Variants in ASS1 observed in about 807,000 individuals in gnomAD.
The protein encoded by ASS1 is argininosuccinate synthase 1, also known as argininosuccinate synthase.
ASS1 carries 58 observed loss-of-function variants against 60.5 expected under a neutral mutation model. The observed-to-expected ratio is 0.96, with a 90% CI of 0.78 to 1.19. The LOEUF is 1.19. ASS1 is among the 50% of genes most tolerant of loss of function. ASS1 has a pLI of 0.00. For missense variants in ASS1, 454 were observed against 547.3 expected (o/e 0.83, Z 1.70); for synonymous variants, 200 against 206.9 (o/e 0.97, Z 0.29).
At position 130,499,510 on chromosome 9, in the gene ASS1, A is replaced by G; in HGVS notation, c.1133A>G (p.Asn378Ser). Residue 378 changes from asparagine (N) to serine (S), a missense_variant, in exon 14 of 15, where the codon AAC becomes AGC. By Grantham distance (46) the Asn-to-Ser change is conservative. Transcript: ENST00000352480. ...SLYNEELVSM[N>S]VQGDYEPTDA... Reference sequence around the variant, plus strand: ...AGCTTCTACTCTCCTTGCAGCATGAACGTGCAGGGTGATTATGAGCCAACT... The same window carrying G: ...AGCTTCTACTCTCCTTGCAGCATGAGCGTGCAGGGTGATTATGAGCCAACT... 1.2e-6 allele frequency: 2 copies of G among 1,613,690 alleles called. No individual in the cohort carries two copies. Among genetic ancestry groups the G allele is most frequent in the Non-Finnish European group, 1.7e-6 (2 of 1,179,868 alleles).
chr9:130,493,964 A>G (rs1846519747), intron 12 of ASS1, among the ~76,000 whole-genome samples: 1 of 152,200 alleles, frequency 6.6e-6, no homozygotes, highest in South Asian at 2.1e-4. Context: ...AGTTTATCAT[A>G]GGAAGCAGAG....
rs1011546800 is a variant in ASS1, at chr9:130,501,132, G to A, written c.*111G>A. On this transcript the variant is annotated 3_prime_UTR_variant, in exon 15 of 15. Coordinates refer to ENST00000352480, the MANE Select transcript of ASS1 (RefSeq NM_054012.4). The stretch of plus-strand genomic sequence containing the variant: ...TGACTTGTTCTCCCCGGCTGGCAGC[G>A]TAGTGGGGCTGCCAGGCCCCAGCTT... The A allele has an allele frequency of 1.3e-5, 16 of 1,243,420 alleles. No individual in the cohort carries two copies. The highest frequency in any genetic ancestry group is 1.9e-5 in the Non-Finnish European group (16 of 861,154). 77.0% of individuals were successfully genotyped at this position (1,243,420 alleles called of 1,614,324 possible).
intron 6 of ASS1, among the ~76,000 whole-genome samples, chr9:130,468,597 T>A (rs35512453): frequency 2.6e-5 from 4 of 152,008 alleles, no homozygotes; most frequent in East Asian, 1.9e-4. Context: ...TTTCATATAT[T>A]TATTTATTTA....
At chr9:130,482,299 C>A (rs751395673) in intron 11 of ASS1, among the ~76,000 whole-genome samples, 3 of 151,494 alleles carry the variant, frequency 2.0e-5, no homozygotes, top group Non-Finnish European at 2.9e-5. Flanking sequence ...GAAGCAGCCC[C>A]CATCCTCTGG....
intron 8 of ASS1, among the ~76,000 whole-genome samples, chr9:130,473,663 G>A (rs889630156): frequency 6.6e-6 from 1 of 152,168 alleles, no homozygotes; most frequent in African/African-American, 2.4e-5. Flanking sequence ...CAGGGGAACA[G>A]AGCCTGGGGA....
In ASS1 at chr9:130,470,984, GGT is replaced by G; in HGVS notation, c.566+82_566+83del. ...GCCACGCGCTGCCCCAGGACGTCCT[GGT>G]GACCCCCACACCAGTGGTCCCTGCC... On this transcript the variant is annotated intron_variant, in intron 7 of 14. Coordinates refer to ENST00000352480, the MANE Select transcript of ASS1 (RefSeq NM_054012.4). The surrounding 1 kb of genome is among the most constrained non-coding windows in gnomAD (Gnocchi z 4.3). 6.6e-7 allele frequency: 1 copy of G among 1,515,840 alleles called. No homozygotes were observed. The allele number at this position is 1,515,840 out of a possible 1,614,324, so 93.9% of individuals were successfully genotyped here.
intron 3 of ASS1, among the ~76,000 whole-genome samples, chr9:130,455,074 CCCATCATCCATTCAT>C (rs1564902516): frequency 1.3e-5 from 2 of 148,732 alleles, no homozygotes; most frequent in African/African-American, 5.0e-5. Flanking sequence ...CATCCATTCA[CCCATCATCCATTCAT>C]CCAGCCATCA....
At position 130,478,116 on chromosome 9, in the gene ASS1, T is replaced by C. The variant is rs1457673161; in HGVS notation, c.688+1155T>C. On this transcript the variant is annotated intron_variant, in intron 9 of 14. Coordinates refer to ENST00000352480, the MANE Select transcript of ASS1 (RefSeq NM_054012.4). The surrounding 1 kb of genome is among the most constrained non-coding windows in gnomAD (Gnocchi z 4.7). The stretch of plus-strand genomic sequence containing the variant: ...GAATGGGGTGTCGGAGGCTAAGTGC[T>C]TTAATAATCTGCCTCTTCTGGGCCT... Among the ~76,000 whole-genome samples, 5 of 152,188 alleles carry C rather than the reference T, an allele frequency of 3.3e-5. No homozygotes were observed. The South Asian group carries it at 8.3e-4, about 25-fold the overall frequency.
At chr9:130,452,362 C>T in intron 2 of ASS1, 29 bp downstream of exon 2, 4 of 1,581,834 alleles carry the variant, frequency 2.5e-6, no homozygotes, top group Non-Finnish European at 3.5e-6. Context: ...TGTCTGTCTT[C>T]CTGCGTGTCC....
In ASS1 at chr9:130,466,752, TTC is replaced by T. The variant is rs786204648; in HGVS notation, c.450_451del (p.Phe150LeufsTer9). 2 of 1,614,134 alleles carry T rather than the reference TTC, an allele frequency of 1.2e-6. No individual in the cohort carries two copies. Among genetic ancestry groups the T allele is most frequent in the Non-Finnish European group, 1.7e-6 (2 of 1,180,012 alleles). On this transcript the variant is annotated frameshift_variant, in exon 6 of 15. Transcript: ENST00000352480. LOFTEE classifies it high-confidence loss of function. ...KVIAPWRMPE[F>X]YNRFKGRNDL... ...CATTGCTCCCTGGAGGATGCCTGAA[TTC>T]TACAACCGGTTCAAGGGCCGCAATG...
At chr9:130,466,372 G>T in intron 5 of ASS1, 1 of 372,582 alleles carries the variant, frequency 2.7e-6, no homozygotes, top group Non-Finnish European at 5.1e-6. Context: ...CCTGGGTCAC[G>T]GCAGTGGCCC....
Position 130,496,683 on chromosome 9 carries a change from C to T in ASS1, c.1127+1660C>T, listed in dbSNP as rs141476140. Among the ~76,000 whole-genome samples, 728 of 151,970 alleles carry T rather than the reference C, an allele frequency of 4.8e-3. 19 individuals are homozygous for T. Among genetic ancestry groups the T allele is most frequent in the Admixed American group, 0.036 (556 of 15,278 alleles). On this transcript the variant is annotated intron_variant, in intron 13 of 14. Coordinates refer to ENST00000352480, the MANE Select transcript of ASS1 (RefSeq NM_054012.4). ...CAGGCAGAAGGTGGCCAAGGAGGAG[C>T]CCCTGGAGGGGCAGGAGGGCCCTGG...
At chr9:130,461,250 C>T (rs181843212) in intron 4 of ASS1, among the ~76,000 whole-genome samples, 2 of 145,180 alleles carry the variant, frequency 1.4e-5, no homozygotes, top group Admixed American at 6.8e-5. Context: ...TCAGGCAGTT[C>T]CCGGGTCCAT....
chr9:130,492,985 C>A (rs111799050), intron 12 of ASS1, among the ~76,000 whole-genome samples: 1 of 152,210 alleles, frequency 6.6e-6, no homozygotes, highest in Admixed American at 6.5e-5. Context: ...GTTGCTCCCA[C>A]AGAGATCTCT....
chr9:130,497,182 A>G (rs1233261936), intron 13 of ASS1, among the ~76,000 whole-genome samples: 2 of 152,220 alleles, frequency 1.3e-5, no homozygotes, highest in Non-Finnish European at 2.9e-5. Context: ...TAAGCCTTAC[A>G]GTCTCACTCA....
intron 11 of ASS1, among the ~76,000 whole-genome samples, chr9:130,487,961 G>A (rs1846348041): frequency 6.6e-6 from 1 of 151,960 alleles, no homozygotes; most frequent in Non-Finnish European, 1.5e-5. Context: ...CACCATGTTG[G>A]CCAGGCTGGT....
At chr9:130,460,067 C>T (rs1054144538) in intron 4 of ASS1, among the ~76,000 whole-genome samples, 111 of 152,354 alleles carry the variant, frequency 7.3e-4, no homozygotes, top group African/African-American at 2.5e-3. Context: ...TGTTTACCAA[C>T]CCCACAGTCA....
At chr9:130,480,736 TGGAG>T (rs1193602095) in intron 11 of ASS1, among the ~76,000 whole-genome samples, 1 of 151,982 alleles carries the variant, frequency 6.6e-6, no homozygotes, top group East Asian at 1.9e-4. Context: ...GGGCCAGGCC[TGGAG>T]GTCAGGCTGT....
chr9:130,496,468 G>A (rs1846604835), intron 13 of ASS1, among the ~76,000 whole-genome samples: 3 of 152,018 alleles, frequency 2.0e-5, no homozygotes, highest in Admixed American at 2.0e-4. Context: ...GCATGCACCT[G>A]TAGTCCCAGC....
Sources: allele counts gnomAD v4.1 joint callset (sites outside exome capture counted in the v4.1 genomes callset), GRCh38; gene constraint gnomAD v4.1.1; non-coding constraint Gnocchi (gnomAD v3.1); transcripts MANE v1.5; gene names NCBI Gene and HGNC (gene_info 2026-07-23, HGNC 2026-07-21).